The following TNRC6A variants were observed in gnomAD, a reference collection of about 807,000 sequenced individuals.
TNRC6A encodes the protein trinucleotide repeat containing adaptor 6A, also known as trinucleotide repeat-containing gene 6A protein.
Under a neutral mutation model 221.2 loss-of-function variants are expected in TNRC6A, and 44 were observed. That is an observed-to-expected ratio of 0.20 (90% confidence interval 0.16 to 0.26). The LOEUF (loss-of-function observed/expected upper bound fraction) is 0.26, where lower values mean the gene tolerates loss of function less well. TNRC6A is among the 10% of genes least tolerant of loss of function. TNRC6A has a pLI of 1.00. For missense variants in TNRC6A, 2,199 were observed against 2,404.4 expected, an observed-to-expected ratio of 0.91 and a Z score of 1.79; for synonymous variants, 847 against 838.5, an observed-to-expected ratio of 1.01 and a Z score of -0.18.
At chr16:24,783,527 A>AT (rs5816267) in intron 5 of TNRC6A, among the ~76,000 whole-genome samples, 36,670 of 145,334 alleles carry the variant, frequency 0.25, 4,907 homozygotes, top group Non-Finnish European at 0.32. Context: ...ATTATGTACA[A>AT]TTTTTTTTTT....
At chr16:24,709,490 A>G (rs1227451209) in intron 2 of TNRC6A, among the ~76,000 whole-genome samples, 1 of 152,172 alleles carries the variant, frequency 6.6e-6, no homozygotes, top group Non-Finnish European at 1.5e-5. Context: ...TAAAATGTTC[A>G]TTGAGTTTCA....
intron 4 of TNRC6A, among the ~76,000 whole-genome samples, chr16:24,770,135 G>A (rs947188084): frequency 6.6e-6 from 1 of 152,172 alleles, no homozygotes; most frequent in East Asian, 1.9e-4. Context: ...AAAAATATTT[G>A]CAAGAAAGGT....
chr16:24,695,915 C>CT (rs1208585459), intron 2 of TNRC6A, among the ~76,000 whole-genome samples: 1 of 152,064 alleles, frequency 6.6e-6, no homozygotes, highest in Non-Finnish European at 1.5e-5. Flanking sequence ...ACTCAACCCC[C>CT]TTGAGCTTGG....
intron 2 of TNRC6A, among the ~76,000 whole-genome samples, chr16:24,644,081 A>ATTT (rs748251760): frequency 0.36 from 29,399 of 81,144 alleles, 6,197 homozygotes; most frequent in South Asian, 0.47. Context: ...CTTATCTTTA[A>ATTT]TTTTTTTTTT....
chr16:24,729,687 G>GTGTCGGCGGCGGCGGTGT lies in TNRC6A; in HGVS notation c.-155_-154insTGTCGGCGGCGGCGGTGT, dbSNP rs577598452. ...GGGGCCTGCGGCGGCGGCGGTGTCGGCGGCGGCGGCGGCGGCGGCGGCGGC... is the reference window on the plus strand; with the variant it reads ...GGGGCCTGCGGCGGCGGCGGTGTCGGTGTCGGCGGCGGCGGTGTCGGCGGCGGCGGCGGCGGCGGCGGC... On this transcript the variant is annotated 5_prime_UTR_variant, in exon 1 of 25. Transcript: ENST00000395799. The GTGTCGGCGGCGGCGGTGT allele has an allele frequency of 7.6e-6, 2 of 263,992 alleles. No homozygotes were observed. The highest frequency in any genetic ancestry group is 1.8e-4 in the Admixed American group (2 of 11,184). 16.4% of individuals were successfully genotyped at this position (263,992 alleles called of 1,614,324 possible).
chr16:24,633,805 C>T (rs530689832), intron 1 of TNRC6A, among the ~76,000 whole-genome samples: 8 of 145,868 alleles, frequency 5.5e-5, no homozygotes, highest in East Asian at 2.0e-4. Flanking sequence ...TTTTTCGAGA[C>T]GAAGTCTCGC....
At chr16:24,821,974 C>A in intron 22 of TNRC6A, 103 bp from the exon 23 acceptor site, 1 of 1,099,378 alleles carries the variant, frequency 9.1e-7, no homozygotes, top group African/African-American at 1.5e-5. Context: ...TGTAGAAGTG[C>A]AAGGAAGTGA....
At chr16:24,683,806 C>T (rs1182882086) in intron 2 of TNRC6A, among the ~76,000 whole-genome samples, 1 of 152,108 alleles carries the variant, frequency 6.6e-6, no homozygotes, top group Non-Finnish European at 1.5e-5. Flanking sequence ...TGCCCTGCAC[C>T]TAGTGAGCCC....
In TNRC6A at chr16:24,815,128, A is replaced by G. The variant is rs750540079; in HGVS notation, c.4673-19A>G. 4 of 1,605,256 alleles carry G rather than the reference A, an allele frequency of 2.5e-6. No individual in the cohort carries two copies. The South Asian group carries it at 3.3e-5, about 13-fold the overall frequency. Reference sequence around the variant, plus strand: ...GTGTGTATTTTGCTCACATTTCTCTATTATTCTTCCCTTGTTAGGTGCTAT... The same window carrying G: ...GTGTGTATTTTGCTCACATTTCTCTGTTATTCTTCCCTTGTTAGGTGCTAT... On this transcript the variant is annotated intron_variant, in intron 18 of 24. Transcript: ENST00000395799.
intron 2 of TNRC6A, among the ~76,000 whole-genome samples, chr16:24,748,798 T>C (rs1052818791): frequency 1.3e-5 from 2 of 152,184 alleles, no homozygotes; most frequent in Admixed American, 6.5e-5. Context: ...CCTACTGCCA[T>C]ATGCATTCCA....
chr16:24,726,390 T>C (rs959703166), upstream of TNRC6A, among the ~76,000 whole-genome samples: 1 of 137,772 alleles, frequency 7.3e-6, no homozygotes, highest in Non-Finnish European at 1.6e-5. Context: ...GCTAGAGAGG[T>C]AAAAAGAACT....
chr16:24,638,929 G>C (rs1478884311), intron 1 of TNRC6A, among the ~76,000 whole-genome samples: 3 of 152,150 alleles, frequency 2.0e-5, no homozygotes, highest in Non-Finnish European at 2.9e-5. Context: ...TTAGGACTTA[G>C]GAGGTCAAGT....
In TNRC6A at chr16:24,791,534, ACCT is replaced by A. The variant is rs1273538365; in HGVS notation, c.2896_2898del (p.Pro966del). On this transcript the variant is annotated inframe_deletion, in exon 6 of 25. Transcript: ENST00000395799. ...GGGGAATCCCACCAGCTACAGGCAA[ACCT>A]CCTGGTACAGGCTGGCTGGGGGGAC... 8 of 1,537,308 alleles carry A rather than the reference ACCT, an allele frequency of 5.2e-6. No homozygotes were observed. The highest frequency in any genetic ancestry group is 2.3e-5 in the East Asian group (1 of 44,296).
At chr16:24,651,470 G>A (rs575529231) in intron 2 of TNRC6A, among the ~76,000 whole-genome samples, 62 of 150,404 alleles carry the variant, frequency 4.1e-4, no homozygotes, top group Middle Eastern at 3.5e-3. Flanking sequence ...CCTGGGAGGC[G>A]GAGGTTGCGG....
chr16:24,672,018 A>C (rs936702747), intron 2 of TNRC6A, among the ~76,000 whole-genome samples: 1 of 152,274 alleles, frequency 6.6e-6, no homozygotes, highest in Non-Finnish European at 1.5e-5. Context: ...TGAAATTTTA[A>C]TATGGACAGC....
intron 5 of TNRC6A, among the ~76,000 whole-genome samples, chr16:24,784,051 G>T (rs1300197057): frequency 6.6e-6 from 1 of 152,276 alleles, no homozygotes; most frequent in Admixed American, 6.5e-5. Flanking sequence ...GCCCAGGCTG[G>T]AGTGCAGTGG....
chr16:24,729,862 G>C lies in TNRC6A; in HGVS notation c.5+16G>C. ...CACACATGAGGTGAGCGGAACAAGG[G>C]CCTCCCTCCGGGCGGGAGGAGCCGC... is the stretch of plus-strand genomic sequence containing the variant. On this transcript the variant is annotated intron_variant, in intron 1 of 24. Transcript: ENST00000395799. 7.7e-7 allele frequency: 1 copy of C among 1,296,912 alleles called. No homozygotes were observed. Among genetic ancestry groups the C allele is most frequent in the South Asian group, 2.5e-5 (1 of 40,462 alleles). The allele number at this position is 1,296,912 out of a possible 1,614,324, so 80.3% of individuals were successfully genotyped here.
chr16:24,793,741 T>C, intron 7 of TNRC6A, 92 bp downstream of exon 7: 1 of 1,059,686 alleles, frequency 9.4e-7, no homozygotes. Context: ...TTCTATGTTA[T>C]TTATAATATA....
intron 2 of TNRC6A, among the ~76,000 whole-genome samples, chr16:24,713,844 C>T (rs2056258786): frequency 1.3e-5 from 2 of 152,134 alleles, no homozygotes; most frequent in Admixed American, 6.6e-5. Flanking sequence ...TGGGGTTTCG[C>T]CATGTTGGCC....
Sources: gnomAD v4.1 joint callset for allele counts (sites outside exome capture counted in the v4.1 genomes callset) on GRCh38, gnomAD v4.1.1 for gene constraint, MANE v1.5 for transcripts, NCBI Gene and HGNC (gene_info 2026-07-23, HGNC 2026-07-21) for gene names.